Variants in NMT1 observed in about 807,000 individuals in gnomAD.
The protein encoded by NMT1 is N-myristoyltransferase 1, also known as glycylpeptide N-tetradecanoyltransferase 1.
NMT1 carries 12 observed loss-of-function variants against 63.4 expected under a neutral mutation model. That is an observed-to-expected ratio of 0.19 (90% CI 0.12 to 0.31). NMT1 has a LOEUF of 0.31. NMT1 is among the 10% of genes least tolerant of loss of function. NMT1 has a pLI of 1.00. For missense variants in NMT1, 432 were observed against 634.6 expected (o/e 0.68, Z 3.43); for synonymous variants, 228 against 234.3 (o/e 0.97, Z 0.25).
At position 45,099,478 on chromosome 17, in the gene NMT1, A is replaced by G; in HGVS notation, c.958A>G (p.Met320Val). Residue 320 changes from methionine to valine, a missense_variant, in exon 8 of 12, where the codon ATG becomes GTG. Coordinates refer to ENST00000258960, the MANE Select transcript of NMT1 (RefSeq NM_021079.5). ...CTCCCACCTGAGCAGAAATATGACC[A>G]TGCAGCGCACCATGAAGCTCTACCG... ...KFSHLSRNMT[M>V]QRTMKLYRLP... 6.2e-7 allele frequency: 1 copy of G among 1,614,160 alleles called. No individual in the cohort carries two copies. Among genetic ancestry groups the G allele is most frequent in the Non-Finnish European group, 8.5e-7 (1 of 1,179,978 alleles).
In NMT1 at chr17:45,103,681, C is replaced by T. The variant is rs367993609; in HGVS notation, c.1165-28C>T. On this transcript the variant is annotated intron_variant, in intron 9 of 11. Coordinates refer to ENST00000258960, the MANE Select transcript of NMT1 (RefSeq NM_021079.5). The surrounding 1 kb of genome is among the most constrained non-coding windows in gnomAD (Gnocchi z 4.8). Reference sequence around the variant, plus strand: ...CCGCAGTGCCACTGTGCATGCTTGACATTGCCTCTTTATTGCCTTCCCTTC... The same window carrying T: ...CCGCAGTGCCACTGTGCATGCTTGATATTGCCTCTTTATTGCCTTCCCTTC... 179 of 1,597,250 alleles carry T rather than the reference C, an allele frequency of 1.1e-4. No individual in the cohort carries two copies. Among genetic ancestry groups the T allele is most frequent in the Non-Finnish European group, 1.5e-4 (172 of 1,171,122 alleles).
chr17:45,073,933 A>G (rs765869173), intron 1 of NMT1, among the ~76,000 whole-genome samples: 16 of 152,144 alleles, frequency 1.1e-4, no homozygotes, highest in Non-Finnish European at 1.9e-4. Flanking sequence ...CTTCCCAGGC[A>G]TGCAGTTTTG....
rs1463089836 is a variant in NMT1 at position 45,086,553 on chromosome 17, A to G, written c.286A>G (p.Ile96Val). 7 of 1,613,328 alleles carry G rather than the reference A, an allele frequency of 4.3e-6. No homozygotes were observed. Among genetic ancestry groups the G allele is most frequent in the African/African-American group, 2.7e-5 (2 of 74,870 alleles). The change falls in exon 3 of 12, where the codon ATT becomes GTT. Residue 96 changes from isoleucine to valine, a missense_variant. Physicochemically the swap from Ile to Val is conservative, Grantham distance 29. Coordinates refer to ENST00000258960, the MANE Select transcript of NMT1 (RefSeq NM_021079.5). ...AERIQEIQKA[I>V]ELFSVGQGPA... ...GAGGATCCAGGAAATACAGAAGGCC[A>G]TTGAGCTGTTCTCAGTGGGTCAGGG... is the stretch of plus-strand genomic sequence containing the variant.
In NMT1 at chr17:45,103,110, T is replaced by C. The variant is rs1401094663; in HGVS notation, c.1153T>C (p.Phe385Leu). ...CCCCCAGGAGAATATCATCGACACTTTCGTGGTGGAGGTGAGTCAGGGAGT... is the reference window on the plus strand; with the variant it reads ...CCCCCAGGAGAATATCATCGACACTCTCGTGGTGGAGGTGAGTCAGGGAGT... ...FYPQENIIDT[F>L]VVENANGEVT... Residue 385 changes from phenylalanine (F) to leucine (L), a missense_variant, in exon 9 of 12, where the codon TTC becomes CTC. Transcript: ENST00000258960. This position sits in a 1 kb window ranked among gnomAD's most constrained non-coding sequence, Gnocchi z 4.8. 1 of 1,608,366 alleles carries C rather than the reference T, an allele frequency of 6.2e-7. No homozygotes were observed. Among genetic ancestry groups the C allele is most frequent in the East Asian group, 2.2e-5 (1 of 44,652 alleles).
chr17:45,077,224 A>C (rs1222872270), intron 1 of NMT1, among the ~76,000 whole-genome samples: 1 of 152,146 alleles, frequency 6.6e-6, no homozygotes, highest in African/African-American at 2.4e-5. Context: ...AGTTATTCTT[A>C]TGGTAATTCA....
intron 3 of NMT1, among the ~76,000 whole-genome samples, chr17:45,090,049 A>C (rs2054077937): frequency 6.6e-6 from 1 of 152,018 alleles, no homozygotes; most frequent in Non-Finnish European, 1.5e-5. Flanking sequence ...TTGGGAGGCC[A>C]AGGCAGGAGG....
chr17:45,084,061 A>G (rs2054034279), intron 2 of NMT1, among the ~76,000 whole-genome samples: 1 of 152,240 alleles, frequency 6.6e-6, no homozygotes, highest in African/African-American at 2.4e-5. Context: ...AAGAAAATGT[A>G]TGTAGTTTTA....
chr17:45,063,849 T>C (rs1159488035), intron 1 of NMT1, among the ~76,000 whole-genome samples: 2 of 151,354 alleles, frequency 1.3e-5, no homozygotes, highest in African/African-American at 2.4e-5. Context: ...TGAGTTGAGA[T>C]TGCACCACTG....
intron 8 of NMT1, among the ~76,000 whole-genome samples, chr17:45,102,157 T>C (rs1339902255): frequency 6.6e-6 from 1 of 152,202 alleles, no homozygotes; most frequent in South Asian, 2.1e-4. Context: ...AACTGAAGTT[T>C]TAAAAGCAAT....
At position 45,086,497 on chromosome 17, in the gene NMT1, G is replaced by A. The variant is rs1257655083; in HGVS notation, c.241-11G>A. 1 of 1,598,818 alleles carries A rather than the reference G, an allele frequency of 6.3e-7. No homozygotes were observed. The highest frequency in any genetic ancestry group is 8.5e-7 in the Non-Finnish European group (1 of 1,175,048). On this transcript the variant is annotated splice_polypyrimidine_tract_variant and intron_variant, in intron 2 of 11. Coordinates refer to ENST00000258960, the MANE Select transcript of NMT1 (RefSeq NM_021079.5). ...ATGGGCCTTTTTTCTCCCCAACTTT[G>A]TCTTGTCCAGATGAACTCTTTGCCA... is the stretch of plus-strand genomic sequence containing the variant.
chr17:45,061,489 G>C (rs746883392), intron 1 of NMT1, 29 bp downstream of exon 1: 4 of 1,602,638 alleles, frequency 2.5e-6, no homozygotes, highest in Non-Finnish European at 2.6e-6. Context: ...TCCAATTCCC[G>C]TCCAGCCTCC....
intron 7 of NMT1, 45 bp downstream of exon 7, chr17:45,098,597 A>C (rs1220665736): frequency 6.4e-7 from 1 of 1,573,752 alleles, no homozygotes; most frequent in Non-Finnish European, 8.7e-7. Context: ...GGGTGTCTGC[A>C]CTGTAGTTGA....
intron 5 of NMT1, 67 bp from the exon 6 acceptor site, chr17:45,097,061 G>A: frequency 6.7e-6 from 9 of 1,344,916 alleles, no homozygotes; most frequent in Middle Eastern, 1.9e-4. Flanking sequence ...AAATTTGGCT[G>A]TGGAGCCCAA....
At chr17:45,070,400 G>A (rs1289059076) in intron 1 of NMT1, among the ~76,000 whole-genome samples, 12 of 151,812 alleles carry the variant, frequency 7.9e-5, no homozygotes, top group Admixed American at 2.6e-4. Flanking sequence ...ACAGGCACCC[G>A]CCACCATGCC....
At chr17:45,101,732 G>A (rs1254115443) in intron 8 of NMT1, among the ~76,000 whole-genome samples, 4 of 152,134 alleles carry the variant, frequency 2.6e-5, no homozygotes, top group Non-Finnish European at 2.9e-5. Context: ...CTGACATGAG[G>A]CTGCCTGCCT....
rs181191656 is a variant in NMT1, at chr17:45,083,271, A to G, written c.240+1519A>G. Among the ~76,000 whole-genome samples the G allele has an allele frequency of 8.5e-5, 13 of 152,134 alleles. No homozygotes were observed. In the East Asian group the frequency reaches 2.5e-3, roughly 29 times the overall value. ...GCGGCAGAGGTTGCAGTGAGCCGAG[A>G]TCACGCCATTGCACTTCAGCCTGGG... is the stretch of plus-strand genomic sequence containing the variant. On this transcript the variant is annotated intron_variant, in intron 2 of 11. Transcript: ENST00000258960.
At chr17:45,100,466 G>A (rs926037113) in intron 8 of NMT1, among the ~76,000 whole-genome samples, 3 of 151,966 alleles carry the variant, frequency 2.0e-5, no homozygotes, top group Admixed American at 2.0e-4. Flanking sequence ...TACTTGGGAG[G>A]CTGAGGCAGG....
At chr17:45,096,071 T>G in intron 4 of NMT1, 123 bp from the exon 5 acceptor site, 3 of 712,010 alleles carry the variant, frequency 4.2e-6, no homozygotes, top group African/African-American at 3.5e-5. Flanking sequence ...GAAGGATTTG[T>G]GAGACTCCAC....
chr17:45,074,522 A>G (rs1224810325), intron 1 of NMT1, among the ~76,000 whole-genome samples: 2 of 152,034 alleles, frequency 1.3e-5, no homozygotes, highest in Non-Finnish European at 2.9e-5. Flanking sequence ...CCCGGCCGAG[A>G]TGACATTTCT....
Sources: gnomAD v4.1 joint callset for allele counts (sites outside exome capture counted in the v4.1 genomes callset) on GRCh38, gnomAD v4.1.1 for gene constraint, Gnocchi (gnomAD v3.1) non-coding constraint, MANE v1.5 for transcripts, NCBI Gene and HGNC (gene_info 2026-07-23, HGNC 2026-07-21) for gene names.